The following WDR17 variants were observed in gnomAD, a reference collection of about 807,000 sequenced individuals.
The protein encoded by WDR17 is WD repeat domain 17.
WDR17 carries 143 observed loss-of-function variants against 161.7 expected under a neutral mutation model. That is an observed-to-expected ratio of 0.88 (90% confidence interval 0.77 to 1.02). WDR17 has a LOEUF of 1.02. Ranked by LOEUF, WDR17 falls within the 50% of genes least tolerant of loss-of-function variation. The pLI, the probability that WDR17 is intolerant of heterozygous loss-of-function variation, is 0.00. For synonymous variants in WDR17, 517 were observed against 515.6 expected, an observed-to-expected ratio of 1.00 and a Z score of -0.04; for missense variants, 1,469 against 1,520.9, an observed-to-expected ratio of 0.97 and a Z score of 0.57.
intron 1 of WDR17, among the ~76,000 whole-genome samples, chr4:176,071,893 C>T (rs1008685116): frequency 6.6e-6 from 1 of 152,076 alleles, no homozygotes; most frequent in African/African-American, 2.4e-5. Context: ...CTTTCTGTAT[C>T]TTTGAATCGG....
At chr4:176,105,090 A>T (rs1269462461) in intron 1 of WDR17, among the ~76,000 whole-genome samples, 2 of 151,980 alleles carry the variant, frequency 1.3e-5, no homozygotes, top group Non-Finnish European at 2.9e-5. Flanking sequence ...GCCCTATATT[A>T]ATATTAGATG....
chr4:176,119,539 C>T (rs777676796), intron 3 of WDR17, among the ~76,000 whole-genome samples: 2 of 152,106 alleles, frequency 1.3e-5, no homozygotes, highest in Non-Finnish European at 2.9e-5. Flanking sequence ...GTCTTATATA[C>T]AAATACACAG....
rs192214782 is a variant in WDR17 at position 176,163,792 on chromosome 4, C to T, written c.2990+499C>T. On this transcript the variant is annotated intron_variant, in intron 22 of 28. Transcript: ENST00000508596. ...ACCCTGGGAATTACCTGGGGTAGCCCGGAAATCCAGGGCAAAGCAATTCCA... is the reference window on the plus strand; with the variant it reads ...ACCCTGGGAATTACCTGGGGTAGCCTGGAAATCCAGGGCAAAGCAATTCCA... Among the ~76,000 whole-genome samples the T allele has an allele frequency of 4.1e-3, 623 of 152,230 alleles. 5 individuals carry two copies. Among genetic ancestry groups the T allele is most frequent in the African/African-American group, 0.014 (568 of 41,546 alleles).
At chr4:176,080,536 G>C (rs904347991) in intron 1 of WDR17, among the ~76,000 whole-genome samples, 2 of 152,112 alleles carry the variant, frequency 1.3e-5, no homozygotes, top group Non-Finnish European at 2.9e-5. Flanking sequence ...GATGTTTCAG[G>C]AGGGTGGATT....
At chr4:176,157,078 G>A (rs1748264673) in intron 18 of WDR17, among the ~76,000 whole-genome samples, 1 of 152,042 alleles carries the variant, frequency 6.6e-6, no homozygotes, top group African/African-American at 2.4e-5. Flanking sequence ...GGTATCGTGG[G>A]TTAGGACTTC....
chr4:176,085,245 CT>C (rs1478695946), intron 1 of WDR17, among the ~76,000 whole-genome samples: 1 of 151,932 alleles, frequency 6.6e-6, no homozygotes, highest in Non-Finnish European at 1.5e-5. Flanking sequence ...TGTATCTTTA[CT>C]TTTTTGTTTA....
intron 1 of WDR17, among the ~76,000 whole-genome samples, chr4:176,071,227 AC>A (rs1225162678): frequency 2.0e-5 from 3 of 151,790 alleles, no homozygotes; most frequent in Non-Finnish European, 4.4e-5. Flanking sequence ...ACAAATATTT[AC>A]TTATTTCCTT....
Position 176,081,246 on chromosome 4 carries a change from A to G in WDR17, c.-7+15167A>G, listed in dbSNP as rs1013940617. ...TCGTTAGCATGTTGAAAATGTTTCAAAGACTCCCCATCTCCTATAAAGTAA... is the reference window on the plus strand; with the variant it reads ...TCGTTAGCATGTTGAAAATGTTTCAGAGACTCCCCATCTCCTATAAAGTAA... On this transcript the variant is annotated intron_variant, in intron 1 of 28. Transcript: ENST00000508596. Among the ~76,000 whole-genome samples the G allele has an allele frequency of 6.6e-5, 10 of 152,222 alleles. No homozygotes were observed. In the East Asian group the frequency reaches 1.2e-3, roughly 18 times the overall value.
intron 1 of WDR17, among the ~76,000 whole-genome samples, chr4:176,103,056 G>T (rs566221139): frequency 7.8e-4 from 119 of 152,234 alleles, no homozygotes; most frequent in African/African-American, 2.6e-3. Context: ...CATGTTACAA[G>T]CTCCTCCCCC....
At chr4:176,133,465 G>A (rs115150610) in intron 7 of WDR17, among the ~76,000 whole-genome samples, 5 of 146,980 alleles carry the variant, frequency 3.4e-5, no homozygotes, top group Admixed American at 6.8e-5. Flanking sequence ...ATGACACTTC[G>A]TATTAAAGTA....
intron 9 of WDR17, 77 bp from the exon 10 acceptor site, chr4:176,139,815 A>G: frequency 1.7e-6 from 2 of 1,194,684 alleles, no homozygotes; most frequent in Non-Finnish European, 2.4e-6. Context: ...GAAAAGTAAT[A>G]CTTAGAAGAA....
chr4:176,076,043 G>A (rs2126569090), intron 1 of WDR17, among the ~76,000 whole-genome samples: 1 of 151,740 alleles, frequency 6.6e-6, no homozygotes, highest in South Asian at 2.1e-4. Flanking sequence ...CACTGAATTT[G>A]GGAATTTTGT....
At chr4:176,168,345 A>C (rs1418841070) in intron 22 of WDR17, among the ~76,000 whole-genome samples, 1 of 152,194 alleles carries the variant, frequency 6.6e-6, no homozygotes, top group South Asian at 2.1e-4. Context: ...TTGCTTTATA[A>C]TTCACTCCAA....
In WDR17 at chr4:176,181,578, T is replaced by TAA. The variant is rs768731399; in HGVS notation, c.*2000_*2001insAA. 1.1e-3 allele frequency: 200 copies of TAA among 183,154 alleles called. No homozygotes were observed. Among genetic ancestry groups the TAA allele is most frequent in the Non-Finnish European group, 1.9e-3 (170 of 89,772 alleles). 11.3% of individuals were successfully genotyped at this position (183,154 alleles called of 1,614,324 possible). On this transcript the variant is annotated 3_prime_UTR_variant, in exon 29 of 29. Transcript: ENST00000508596. ...CCTGAGATGTATTTTTTTAAACTCTTAGAGATATCTGTAACTCAAATTTTT... is the reference window on the plus strand; with the variant it reads ...CCTGAGATGTATTTTTTTAAACTCTTAAAGAGATATCTGTAACTCAAATTTTT...
rs1051996461 is a variant in WDR17, at chr4:176,065,904, A to C, written c.-182A>C. 6.6e-6 allele frequency: 1 copy of C among 151,882 alleles called. No homozygotes were observed. The highest frequency in any genetic ancestry group is 1.9e-4 in the East Asian group (1 of 5,164). The allele number at this position is 151,882 out of a possible 1,614,324, so 9.4% of individuals were successfully genotyped here. ...CGTGGCTCCGCGCTGGGGCTTGCGG[A>C]GCACGCTTCCCGCCCCTCGGAGCCC... On this transcript the variant is annotated 5_prime_UTR_variant, in exon 1 of 29. Transcript: ENST00000508596.
intron 1 of WDR17, among the ~76,000 whole-genome samples, chr4:176,085,518 T>C (rs1171500489): frequency 6.6e-6 from 1 of 152,142 alleles, no homozygotes; most frequent in Non-Finnish European, 1.5e-5. Flanking sequence ...CATTCTTCTA[T>C]CAACTTTGGT....
intron 2 of WDR17, among the ~76,000 whole-genome samples, 166 bp downstream of exon 2, chr4:176,111,869 A>G (rs1336799184): frequency 6.6e-6 from 1 of 152,136 alleles, no homozygotes; most frequent in East Asian, 1.9e-4. Context: ...TAAAAGTTAA[A>G]CCTTTAGAAA....
intron 5 of WDR17, among the ~76,000 whole-genome samples, chr4:176,126,393 A>G (rs1056526425): frequency 5.9e-5 from 9 of 152,168 alleles, no homozygotes; most frequent in African/African-American, 1.7e-4. Flanking sequence ...CTACTGTATA[A>G]ATTCTTCCCA....
At chr4:176,072,635 A>G (rs1733386071) in intron 1 of WDR17, among the ~76,000 whole-genome samples, 1 of 152,060 alleles carries the variant, frequency 6.6e-6, no homozygotes, top group African/African-American at 2.4e-5. Flanking sequence ...AATTCCTTTC[A>G]TTTTTCTGCA....
Sources: gnomAD v4.1 joint callset for allele counts (sites outside exome capture counted in the v4.1 genomes callset) on GRCh38, gnomAD v4.1.1 for gene constraint, MANE v1.5 for transcripts, NCBI Gene and HGNC (gene_info 2026-07-23, HGNC 2026-07-21) for gene names.